The following FAM120A variants were observed in gnomAD, a reference collection of about 807,000 sequenced individuals.
FAM120A encodes the protein constitutive coactivator of PPAR-gamma-like protein 1.
FAM120A carries 15 observed loss-of-function variants against 109.7 expected under a neutral mutation model. That is an observed-to-expected ratio of 0.14 (90% CI 0.09 to 0.21). FAM120A has a LOEUF of 0.21. Ranked by LOEUF, FAM120A falls within the 10% of genes least tolerant of loss-of-function variation. FAM120A has a pLI of 1.00. For synonymous variants in FAM120A, 493 were observed against 572.8 expected, an observed-to-expected ratio of 0.86 and a Z score of 1.99; for missense variants, 899 against 1,439.3, an observed-to-expected ratio of 0.62 and a Z score of 6.07.
intron 1 of FAM120A, chr9:93,453,435 G>T: frequency 1.0e-6 from 1 of 985,384 alleles, no homozygotes; most frequent in African/African-American, 1.7e-5. Flanking sequence ...CAAATTTTGG[G>T]GGCCTTTTTG....
At position 93,564,320 on chromosome 9, in the gene FAM120A, A is replaced by T. The variant is rs1207394354; in HGVS notation, c.3137A>T (p.Asp1046Val). 1 of 1,614,228 alleles carries T rather than the reference A, an allele frequency of 6.2e-7. No homozygotes were observed. The highest frequency in any genetic ancestry group is 1.7e-5 in the Admixed American group (1 of 60,034). The part of the protein sequence containing the change: ...GESKSSAMSS[D>V]GSLAENGVMA... ...TCGAAGTCCTCTGCTATGTCTTCAG[A>T]CGGGTCCCTGGCTGAAAACGGAGTG... The change falls in exon 18 of 18, where the codon GAC (aspartate) becomes GTC (valine). Residue 1046 changes from aspartate (D) to valine (V), a missense_variant. Physicochemically the swap from Asp to Val is radical, Grantham distance 152. Coordinates refer to ENST00000277165, the MANE Select transcript of FAM120A (RefSeq NM_014612.5).
intron 12 of FAM120A, among the ~76,000 whole-genome samples, chr9:93,552,248 C>T (rs1369353435): frequency 2.0e-5 from 3 of 152,182 alleles, no homozygotes; most frequent in African/African-American, 4.8e-5. Flanking sequence ...TTTGGATCAA[C>T]ACATAGGATA....
At chr9:93,523,833 A>G (rs1311574120) in intron 7 of FAM120A, among the ~76,000 whole-genome samples, 1 of 152,250 alleles carries the variant, frequency 6.6e-6, no homozygotes, top group Non-Finnish European at 1.5e-5. Flanking sequence ...TGTGAAGGAA[A>G]CTGAATGTGT....
At chr9:93,486,226 G>A (rs192126462) in intron 3 of FAM120A, among the ~76,000 whole-genome samples, 10 of 151,430 alleles carry the variant, frequency 6.6e-5, no homozygotes, top group East Asian at 5.9e-4. Flanking sequence ...CTCCCACCTC[G>A]GCCTCCCATA....
intron 14 of FAM120A, 36 bp from the exon 15 acceptor site, chr9:93,558,545 C>T (rs1862369021): frequency 1.9e-6 from 3 of 1,611,420 alleles, no homozygotes; most frequent in African/African-American, 1.3e-5. Flanking sequence ...CTGTCCCTTA[C>T]ACTTCTCCCC....
At chr9:93,529,963 T>C (rs1861265284) in intron 9 of FAM120A, 1 of 437,524 alleles carries the variant, frequency 2.3e-6, no homozygotes, top group African/African-American at 2.0e-5. Flanking sequence ...CTGGTTCCTT[T>C]ATCATTTGTG....
intron 10 of FAM120A, among the ~76,000 whole-genome samples, chr9:93,539,579 C>A (rs1861628291): frequency 6.6e-6 from 1 of 152,206 alleles, no homozygotes; most frequent in Non-Finnish European, 1.5e-5. Context: ...TACTACCATG[C>A]TCTAAGTCCC....
At chr9:93,561,273 G>T (rs745338170) in intron 16 of FAM120A, 23 bp downstream of exon 16, 1 of 1,586,140 alleles carries the variant, frequency 6.3e-7, no homozygotes, top group South Asian at 1.2e-5. Context: ...CCACGAAAAT[G>T]TCTTTTGTAT....
At chr9:93,521,393 G>A (rs903184856) in intron 7 of FAM120A, among the ~76,000 whole-genome samples, 1 of 152,180 alleles carries the variant, frequency 6.6e-6, no homozygotes, top group Non-Finnish European at 1.5e-5. Flanking sequence ...GAGGCAGGGG[G>A]ATTGCGTGAA....
chr9:93,534,295 A>G (rs1230093253), intron 10 of FAM120A, among the ~76,000 whole-genome samples: 1 of 152,194 alleles, frequency 6.6e-6, no homozygotes, highest in East Asian at 1.9e-4. Context: ...AAGCCAGGGC[A>G]GGCCACAGCT....
intron 3 of FAM120A, among the ~76,000 whole-genome samples, chr9:93,485,208 T>C (rs1858989212): frequency 6.6e-6 from 1 of 151,926 alleles, no homozygotes; most frequent in Non-Finnish European, 1.5e-5. Flanking sequence ...CCTTAAGACA[T>C]TTTGCCTGGG....
At chr9:93,494,518 A>G (rs927155536) in intron 3 of FAM120A, among the ~76,000 whole-genome samples, 3 of 152,088 alleles carry the variant, frequency 2.0e-5, no homozygotes, top group African/African-American at 7.2e-5. Context: ...CTGTTCCATT[A>G]CTGTCTTTGC....
chr9:93,551,806 AC>A (rs1361266407), intron 12 of FAM120A, among the ~76,000 whole-genome samples: 2 of 152,262 alleles, frequency 1.3e-5, no homozygotes, highest in Non-Finnish European at 2.9e-5. Context: ...AGTAAAAAAA[AC>A]AAAACTTAGG....
At chr9:93,453,794 A>G (rs1857414275) in intron 1 of FAM120A, among the ~76,000 whole-genome samples, 2 of 152,186 alleles carry the variant, frequency 1.3e-5, no homozygotes, top group African/African-American at 2.4e-5. Context: ...AGGTGCTGCC[A>G]TTTGTCTGAA....
At chr9:93,562,665 C>CTTTTTTTTT (rs535421624) in intron 17 of FAM120A, among the ~76,000 whole-genome samples, 1 of 134,990 alleles carries the variant, frequency 7.4e-6, no homozygotes, top group African/African-American at 2.8e-5. Context: ...CTTTCTTTTT[C>CTTTTTTTTT]TTTTTTTTTT....
intron 3 of FAM120A, among the ~76,000 whole-genome samples, chr9:93,478,794 CT>C (rs1475256755): frequency 6.6e-6 from 1 of 152,124 alleles, no homozygotes; most frequent in Admixed American, 6.5e-5. Context: ...TGTTTTGACC[CT>C]TCATTCACAT....
intron 5 of FAM120A, among the ~76,000 whole-genome samples, chr9:93,512,232 C>T (rs1205930325): frequency 5.9e-5 from 9 of 152,118 alleles, no homozygotes; most frequent in South Asian, 2.1e-4. Context: ...GGGGTAAGGC[C>T]GACTGTAGTT....
chr9:93,486,873 C>T (rs1413089038), intron 3 of FAM120A, among the ~76,000 whole-genome samples: 1 of 152,136 alleles, frequency 6.6e-6, no homozygotes, highest in African/African-American at 2.4e-5. Flanking sequence ...CTGTTTTCCA[C>T]AGCAGCTGCA....
intron 9 of FAM120A, chr9:93,530,782 A>G (rs2131471350): frequency 6.6e-6 from 1 of 152,280 alleles, no homozygotes; most frequent in East Asian, 1.9e-4. Flanking sequence ...AGTTTAAGGA[A>G]CCAAAGTTTT....
Sources: allele counts gnomAD v4.1 joint callset (sites outside exome capture counted in the v4.1 genomes callset), GRCh38; gene constraint gnomAD v4.1.1; transcripts MANE v1.5; gene names NCBI Gene and HGNC (gene_info 2026-07-23, HGNC 2026-07-21).